Variants in CDH18 observed in about 807,000 individuals in gnomAD.
CDH18 encodes cadherin 18.
Under a neutral mutation model 67.9 loss-of-function variants are expected in CDH18, and 31 were observed. The ratio of observed to expected loss-of-function variants is 0.46; its 90% confidence interval spans 0.34 to 0.62. The LOEUF (loss-of-function observed/expected upper bound fraction) is 0.62, where lower values mean the gene tolerates loss of function less well. CDH18 is among the 20% of genes least tolerant of loss of function. The pLI is 0.01. For missense variants in CDH18, 890 were observed against 975.5 expected, an observed-to-expected ratio of 0.91 and a Z score of 1.17; for synonymous variants, 362 against 347.2, an observed-to-expected ratio of 1.04 and a Z score of -0.48.
intron 1 of CDH18, among the ~76,000 whole-genome samples, chr5:20,504,547 T>C (rs1251807317): frequency 2.6e-5 from 4 of 152,120 alleles, no homozygotes; most frequent in Admixed American, 2.0e-4. Flanking sequence ...TCTAGAAATA[T>C]AGAAACTATA....
intron 2 of CDH18, among the ~76,000 whole-genome samples, chr5:20,248,686 T>C (rs1561910884): frequency 6.6e-6 from 1 of 152,236 alleles, no homozygotes; most frequent in African/African-American, 2.4e-5. Flanking sequence ...AGAGGCTCCA[T>C]GCTGATTGTT....
chr5:19,908,381 CTTAAA>C (rs1315952567), intron 2 of CDH18, among the ~76,000 whole-genome samples: 4 of 151,918 alleles, frequency 2.6e-5, no homozygotes, highest in Non-Finnish European at 5.9e-5. Context: ...CTCCCATAAT[CTTAAA>C]TTAAAGTTAG....
intron 1 of CDH18, among the ~76,000 whole-genome samples, chr5:20,450,159 G>A (rs1166534637): frequency 6.6e-6 from 1 of 152,008 alleles, no homozygotes; most frequent in African/African-American, 2.4e-5. Context: ...CCAACATAAT[G>A]AAACCCTGTC....
intron 12 of CDH18, among the ~76,000 whole-genome samples, chr5:19,482,302 G>A (rs551358420): frequency 5.7e-4 from 87 of 152,054 alleles, no homozygotes; most frequent in African/African-American, 2.0e-3. Context: ...ATTTTCAGTA[G>A]AAACGGGGTT....
chr5:20,014,597 T>C (rs1483577759), intron 2 of CDH18, among the ~76,000 whole-genome samples: 2 of 152,078 alleles, frequency 1.3e-5, no homozygotes, highest in Non-Finnish European at 2.9e-5. Context: ...ATTTTATATA[T>C]AGTTAAAGCC....
intron 5 of CDH18, among the ~76,000 whole-genome samples, chr5:19,717,127 T>G (rs528165341): frequency 2.6e-5 from 4 of 152,038 alleles, no homozygotes; most frequent in African/African-American, 9.7e-5. Flanking sequence ...AACTACGATT[T>G]TGTAAAACAG....
At chr5:19,844,673 AG>A (rs1397464625) in intron 2 of CDH18, among the ~76,000 whole-genome samples, 1 of 152,348 alleles carries the variant, frequency 6.6e-6, no homozygotes, top group Non-Finnish European at 1.5e-5. Flanking sequence ...GGAAAGATGT[AG>A]GAACAGTTGA....
rs186132292 is a variant in CDH18 at position 19,769,735 on chromosome 5, A to G, written c.229-22499T>C. On this transcript the variant is annotated intron_variant, in intron 3 of 12. Transcript: ENST00000382275. ...GATGTCAAAAGCATGGACAAATAAA[A>G]ATATAGATAAATTATATACATTAAA... Among the ~76,000 whole-genome samples, 74 of 152,198 alleles carry G rather than the reference A, an allele frequency of 4.9e-4. 1 individual carries two copies. The East Asian group carries it at 9.6e-3, about 20-fold the overall frequency.
At chr5:20,318,083 TTA>T (rs1580738660) in intron 1 of CDH18, among the ~76,000 whole-genome samples, 1 of 152,244 alleles carries the variant, frequency 6.6e-6, no homozygotes, top group East Asian at 1.9e-4. Flanking sequence ...GGAGGTGCTA[TTA>T]TGTTTTGTTT....
chr5:19,905,097 G>C (rs1402057795), intron 2 of CDH18, among the ~76,000 whole-genome samples: 1 of 152,090 alleles, frequency 6.6e-6, no homozygotes, highest in Non-Finnish European at 1.5e-5. Flanking sequence ...AAGGCTGGGA[G>C]AATTCTGCAA....
chr5:19,682,931 C>T (rs1034038172), intron 5 of CDH18, among the ~76,000 whole-genome samples: 3 of 151,990 alleles, frequency 2.0e-5, no homozygotes, highest in African/African-American at 7.2e-5. Flanking sequence ...TTTACTACTA[C>T]GGGAGTTAAT....
At chr5:20,079,642 A>ATT (rs1238368923) in intron 2 of CDH18, among the ~76,000 whole-genome samples, 8 of 152,104 alleles carry the variant, frequency 5.3e-5, no homozygotes, top group Non-Finnish European at 4.4e-5. Context: ...TACGGTACTA[A>ATT]TTTACAATAC....
intron 2 of CDH18, among the ~76,000 whole-genome samples, chr5:19,946,151 G>A (rs1299371852): frequency 1.3e-5 from 2 of 152,074 alleles, no homozygotes; most frequent in Non-Finnish European, 2.9e-5. Context: ...CAGTTTGAAA[G>A]ACAGCAGATA....
chr5:20,569,683 C>G (rs1459808031), intron 1 of CDH18, among the ~76,000 whole-genome samples: 1 of 152,098 alleles, frequency 6.6e-6, no homozygotes, highest in Non-Finnish European at 1.5e-5. Flanking sequence ...TGGTATTTAC[C>G]CAAATGAGTT....
At chr5:19,506,529 C>T (rs1349222086) in intron 10 of CDH18, among the ~76,000 whole-genome samples, 3 of 152,102 alleles carry the variant, frequency 2.0e-5, no homozygotes, top group Non-Finnish European at 4.4e-5. Flanking sequence ...CTACAGTAAC[C>T]AAAACAGCAT....
intron 11 of CDH18, among the ~76,000 whole-genome samples, chr5:19,486,722 G>A (rs1271817002): frequency 1.3e-5 from 2 of 152,146 alleles, no homozygotes; most frequent in African/African-American, 4.8e-5. Flanking sequence ...GAACTCGGGA[G>A]GCAGAGGTTG....
At chr5:20,068,563 AATG>A (rs773397226) in intron 2 of CDH18, among the ~76,000 whole-genome samples, 8 of 152,138 alleles carry the variant, frequency 5.3e-5, no homozygotes, top group Non-Finnish European at 1.0e-4. Context: ...TTTTCTGAGA[AATG>A]ATACTTGGTT....
In CDH18 at chr5:20,166,355, C is replaced by T. The variant is rs371448541; in HGVS notation, c.-518+89089G>A. On this transcript the variant is annotated intron_variant, in intron 2 of 14. Transcript: ENST00000507958. ...GCTCGGGAGGCTGAGGCAGGAGAAT[C>T]GCTTGAACCTGGGGATGGAGGTTGT... 5.9e-4 allele frequency among the ~76,000 whole-genome samples: 86 copies of T among 145,280 alleles called. No homozygotes were observed. The South Asian group carries it at 0.017, about 28-fold the overall frequency.
intron 1 of CDH18, among the ~76,000 whole-genome samples, chr5:20,543,840 T>C (rs1215786614): frequency 2.0e-5 from 3 of 152,186 alleles, no homozygotes; most frequent in Non-Finnish European, 4.4e-5. Context: ...TCTATGTATA[T>C]TCTGGCTAAA....
Sources: gnomAD v4.1 joint callset for allele counts (sites outside exome capture counted in the v4.1 genomes callset) on GRCh38, gnomAD v4.1.1 for gene constraint, MANE v1.5 for transcripts, NCBI Gene and HGNC (gene_info 2026-07-23, HGNC 2026-07-21) for gene names.